The following ATAD2 variants were observed in gnomAD, a reference collection of about 807,000 sequenced individuals.
ATAD2 encodes the protein ATPase family AAA domain-containing protein 2.
Under a neutral mutation model 168.9 loss-of-function variants are expected in ATAD2, and 62 were observed. The ratio of observed to expected loss-of-function variants is 0.37; its 90% CI spans 0.30 to 0.45. The LOEUF (loss-of-function observed/expected upper bound fraction) is 0.45. ATAD2 is among the 20% of genes least tolerant of loss of function. The pLI is 1.00. For missense variants in ATAD2, 1,419 were observed against 1,667.8 expected (o/e 0.85, Z 2.60); for synonymous variants, 613 against 571.6 (o/e 1.07, Z -1.03).
At chr8:123,412,627 G>T (rs1259776961) in intron 1 of ATAD2, among the ~76,000 whole-genome samples, 1 of 151,934 alleles carries the variant, frequency 6.6e-6, no homozygotes, top group Non-Finnish European at 1.5e-5. Context: ...TAGAGACAGG[G>T]TCTTGCTGTG....
rs779369310 is a variant in ATAD2, at chr8:123,372,718, T to A, written c.321-32A>T. 8.7e-6 allele frequency: 13 copies of A among 1,496,732 alleles called. 1 individual carries two copies. The highest frequency in any genetic ancestry group is 1.2e-5 in the Non-Finnish European group (13 of 1,103,676). 92.7% of individuals were successfully genotyped at this position (1,496,732 alleles called of 1,614,324 possible). A position where few individuals can be genotyped will look rare whatever the true frequency, so the allele number is the denominator to read the frequency against. On this transcript the variant is annotated intron_variant, in intron 2 of 27. Coordinates refer to ENST00000287394, the MANE Select transcript of ATAD2 (RefSeq NM_014109.4). ...TTTAAAAAATTAGATTAATTCAAAA[T>A]AATTGACATAACTTTATTTTTATTT...
Position 123,355,931 on chromosome 8 carries a change from T to G in ATAD2, c.1646+458A>C, listed in dbSNP as rs114915811. ...TGACACTCGGAGCAGGTTTACTTTT[T>G]TTTTGAGAGGGAGTTTCGCTCTGTC... On this transcript the variant is annotated intron_variant, in intron 13 of 27. Transcript: ENST00000287394. Among the ~76,000 whole-genome samples, 985 of 152,214 alleles carry G rather than the reference T, an allele frequency of 6.5e-3. 18 individuals carry two copies. The highest frequency in any genetic ancestry group is 0.023 in the African/African-American group (949 of 41,524).
chr8:123,346,153 A>G lies in ATAD2; in HGVS notation c.2465T>C (p.Val822Ala), dbSNP rs752521046. 6.2e-7 allele frequency: 1 copy of G among 1,613,028 alleles called. No individual in the cohort carries two copies. Among genetic ancestry groups the G allele is most frequent in the South Asian group, 1.1e-5 (1 of 90,870 alleles). The change falls in exon 18 of 28, where the codon GTA becomes GCA. Residue 822 changes from valine to alanine, a missense_variant. Val to Ala is a moderately conservative substitution (Grantham distance 64). This residue lies in a region of ATAD2 where 545 missense variants were observed against 724.9 expected (regional missense o/e 0.75). Transcript: ENST00000287394. Reference protein sequence around the residue: ...AVIHALEKFTVYTLDIPVLFG... With the variant: ...AVIHALEKFTAYTLDIPVLFG... ...AAGAACAGGAATGTCTAATGTATAT[A>G]CAGTAAACTTTTCCAAAGCATGAAT...
intron 4 of ATAD2, 36 bp from the exon 5 acceptor site, chr8:123,371,374 TAA>T (rs754387642): frequency 1.3e-6 from 2 of 1,509,774 alleles, no homozygotes; most frequent in African/African-American, 1.4e-5. Context: ...GTGAAAATTG[TAA>T]AAGAGTAGCA....
chr8:123,333,953 C>A lies in ATAD2; in HGVS notation c.3403G>T (p.Gly1135Cys), dbSNP rs1178417889. 1.9e-6 allele frequency: 3 copies of A among 1,613,894 alleles called. No homozygotes were observed. In the African/African-American group the frequency reaches 4.0e-5, roughly 22 times the overall value. Reference sequence around the variant, plus strand: ...TGCTCTGGGTCTGATCTTTTATCACCAACAAGAGTGGAATTTTGCTTTGGC... The same window carrying A: ...TGCTCTGGGTCTGATCTTTTATCACAAACAAGAGTGGAATTTTGCTTTGGC... ...VMPKQNSTLV[G>C]DKRSDPEQNE... The change falls in exon 24 of 28, where the codon GGT becomes TGT. Residue 1135 changes from glycine (G) to cysteine (C), a missense_variant. Transcript: ENST00000287394.
chr8:123,371,574 T>G (rs1829149223), intron 4 of ATAD2, 96 bp downstream of exon 4: 1 of 1,094,636 alleles, frequency 9.1e-7, no homozygotes, highest in East Asian at 2.5e-5. Flanking sequence ...CGTAGTAGAA[T>G]GCATTAAATG....
At chr8:123,347,450 C>G (rs1357997007) in intron 15 of ATAD2, 44 bp from the exon 16 acceptor site, 3 of 1,477,792 alleles carry the variant, frequency 2.0e-6, no homozygotes, top group East Asian at 2.3e-5. Context: ...GCCGACCAAA[C>G]AAAGAAACAC....
intron 26 of ATAD2, 60 bp from the exon 27 acceptor site, chr8:123,323,126 T>TA: frequency 6.6e-7 from 1 of 1,513,268 alleles, no homozygotes; most frequent in South Asian, 1.2e-5. Context: ...ACAAGATACT[T>TA]AATTTAGAAG....
intron 27 of ATAD2, 123 bp downstream of exon 27, chr8:123,322,815 G>A (rs1827507064): frequency 3.1e-6 from 3 of 972,696 alleles, no homozygotes; most frequent in Non-Finnish European, 4.3e-6. Context: ...ATAGAAAGAT[G>A]GTCTTTAAGT....
At chr8:123,376,441 A>G (rs1396508389) in intron 2 of ATAD2, among the ~76,000 whole-genome samples, 1 of 151,874 alleles carries the variant, frequency 6.6e-6, no homozygotes, top group African/African-American at 2.4e-5. Flanking sequence ...ACATGACTGT[A>G]ATCCCAGCTA....
rs201529152 is a variant in ATAD2 at position 123,415,797 on chromosome 8, G to C, written c.-2282+451C>G. Among the ~76,000 whole-genome samples the C allele has an allele frequency of 1.2e-4, 18 of 152,264 alleles. No homozygotes were observed. In the East Asian group the frequency reaches 3.5e-3, roughly 29 times the overall value. The stretch of plus-strand genomic sequence containing the variant: ...TTTAGTAGAGACGGAGTTTCACCAT[G>C]TTGGCCAGGCTCGTCTCGAACCCCT... On this transcript the variant is annotated intron_variant, in intron 1 of 28. Transcript: ENST00000521903.
At chr8:123,410,775 T>C (rs1325487724) in intron 1 of ATAD2, among the ~76,000 whole-genome samples, 2 of 152,150 alleles carry the variant, frequency 1.3e-5, no homozygotes, top group African/African-American at 4.8e-5. Flanking sequence ...CCACCACTGC[T>C]GTTTGCTGCC....
chr8:123,324,369 G>A (rs1827550246), intron 26 of ATAD2, among the ~76,000 whole-genome samples: 1 of 152,158 alleles, frequency 6.6e-6, no homozygotes, highest in Non-Finnish European at 1.5e-5. Context: ...AATGTTTTCA[G>A]ACTTGAAATG....
Position 123,384,610 on chromosome 8 carries a change from C to T in ATAD2, c.172-3933G>A, listed in dbSNP as rs550510560. On this transcript the variant is annotated intron_variant, in intron 1 of 27. Coordinates refer to ENST00000287394, the MANE Select transcript of ATAD2 (RefSeq NM_014109.4). ...AGAAAGCAAGAGTATGTAATAAGCACCCATGTGCCAGGCCCATGCAAGGCA... is the reference window on the plus strand; with the variant it reads ...AGAAAGCAAGAGTATGTAATAAGCATCCATGTGCCAGGCCCATGCAAGGCA... Among the ~76,000 whole-genome samples, 4 of 152,306 alleles carry T rather than the reference C, an allele frequency of 2.6e-5. No individual in the cohort carries two copies. The South Asian group carries it at 8.3e-4, about 32-fold the overall frequency.
intron 20 of ATAD2, 75 bp downstream of exon 20, chr8:123,339,236 C>T: frequency 7.9e-7 from 1 of 1,261,756 alleles, no homozygotes; most frequent in Non-Finnish European, 1.1e-6. Context: ...TTATCAGATA[C>T]ATGTCAATGC....
intron 2 of ATAD2, among the ~76,000 whole-genome samples, chr8:123,374,892 C>T (rs1829257293): frequency 6.6e-6 from 1 of 152,154 alleles, no homozygotes; most frequent in Non-Finnish European, 1.5e-5. Flanking sequence ...ACCCCAGGAT[C>T]AAGTAAGTAA....
At position 123,319,881 on chromosome 8, in the gene ATAD2, A is replaced by G. The variant is rs1310122973; in HGVS notation, c.*1253T>C. 1.3e-5 allele frequency: 2 copies of G among 152,232 alleles called. No individual in the cohort carries two copies. Among genetic ancestry groups the G allele is most frequent in the East Asian group, 1.9e-4 (1 of 5,196 alleles). 9.4% of individuals were successfully genotyped at this position (152,232 alleles called of 1,614,324 possible). On this transcript the variant is annotated 3_prime_UTR_variant, in exon 28 of 28. Coordinates refer to ENST00000287394, the MANE Select transcript of ATAD2 (RefSeq NM_014109.4). Reference sequence around the variant, plus strand: ...AGAGTTTTCACCTTTAAAATTTATTACATAAGCTATACACACAAAATGAAA... The same window carrying G: ...AGAGTTTTCACCTTTAAAATTTATTGCATAAGCTATACACACAAAATGAAA...
At chr8:123,361,186 G>A (rs1344833790) in intron 9 of ATAD2, among the ~76,000 whole-genome samples, 2 of 151,768 alleles carry the variant, frequency 1.3e-5, no homozygotes, top group African/African-American at 4.8e-5. Context: ...GTGTGGTGAT[G>A]CACACCTGTA....
rs893405937 is a variant in ATAD2 at position 123,328,234 on chromosome 8, G to A, written c.3824C>T (p.Ser1275Phe). ...AGAAATATGTATTATCTGAGAGCTA[G>A]AAGCATCTCCATTACAAGCAATCTT... ...RDKIACNGDA[S>F]SSQIIHISDE... Residue 1275 changes from serine to phenylalanine, a missense_variant, in exon 25 of 28, where the codon TCT (serine) becomes TTT (phenylalanine). Ser to Phe is a radical substitution (Grantham distance 155). Transcript: ENST00000287394. 2 of 1,474,896 alleles carry A rather than the reference G, an allele frequency of 1.4e-6. No homozygotes were observed. Among genetic ancestry groups the A allele is most frequent in the African/African-American group, 2.9e-5 (2 of 69,786 alleles). The allele number at this position is 1,474,896 out of a possible 1,614,324, so 91.4% of individuals were successfully genotyped here.
Sources: gnomAD v4.1 joint callset for allele counts (sites outside exome capture counted in the v4.1 genomes callset) on GRCh38, gnomAD v4.1.1 for gene constraint, gnomAD v4.1.1 regional missense constraint, MANE v1.5 for transcripts, NCBI Gene and HGNC (gene_info 2026-07-23, HGNC 2026-07-21) for gene names.